Variants in TIMP3 observed in about 807,000 individuals in gnomAD.
TIMP3 encodes the protein TIMP metallopeptidase inhibitor 3.
Under a neutral mutation model 30.0 loss-of-function variants are expected in TIMP3, and 11 were observed. The ratio of observed to expected loss-of-function variants is 0.37; its 90% CI spans 0.23 to 0.61. The LOEUF is 0.61. Among genes scored for constraint, TIMP3 ranks in the 20% least tolerant of loss-of-function variants. The pLI, the probability that TIMP3 is intolerant of heterozygous loss-of-function variation, is 0.70. For synonymous variants in TIMP3, 112 were observed against 111.3 expected, an observed-to-expected ratio of 1.01 and a Z score of -0.04; for missense variants, 181 against 276.8, an observed-to-expected ratio of 0.65 and a Z score of 2.45.
At chr22:32,830,406 C>T (rs899654872) in intron 1 of TIMP3, among the ~76,000 whole-genome samples, 1 of 152,154 alleles carries the variant, frequency 6.6e-6, no homozygotes, top group African/African-American at 2.4e-5. Flanking sequence ...GCCCGACAGT[C>T]TATAGCTAGG....
chr22:32,840,695 C>T (rs185561234), intron 1 of TIMP3, among the ~76,000 whole-genome samples: 21 of 152,242 alleles, frequency 1.4e-4, no homozygotes, highest in Admixed American at 5.2e-4. Context: ...TGGATTCAGA[C>T]GCAGCAAACT....
At chr22:32,843,087 T>A (rs944527322) in intron 1 of TIMP3, among the ~76,000 whole-genome samples, 2 of 152,156 alleles carry the variant, frequency 1.3e-5, no homozygotes, top group Non-Finnish European at 2.9e-5. Flanking sequence ...TCCCATTTTT[T>A]TTTTTCCCCC....
chr22:32,836,916 A>G (rs926771132), intron 1 of TIMP3, among the ~76,000 whole-genome samples: 1 of 152,172 alleles, frequency 6.6e-6, no homozygotes, highest in African/African-American at 2.4e-5. Flanking sequence ...TCAAACCACA[A>G]GAAAGTCTCC....
intron 1 of TIMP3, among the ~76,000 whole-genome samples, chr22:32,831,510 G>A (rs901326494): frequency 5.9e-5 from 9 of 152,178 alleles, no homozygotes; most frequent in African/African-American, 2.2e-4. Flanking sequence ...GGGGGTCGGA[G>A]TTGGGGGGCA....
chr22:32,815,292 C>A (rs1197244411), intron 1 of TIMP3, among the ~76,000 whole-genome samples: 2 of 152,188 alleles, frequency 1.3e-5, no homozygotes, highest in Non-Finnish European at 2.9e-5. Context: ...GTGCAGGGAA[C>A]CCATGTGCGG....
intron 1 of TIMP3, among the ~76,000 whole-genome samples, chr22:32,835,643 G>A (rs1040374232): frequency 6.6e-6 from 1 of 152,158 alleles, no homozygotes; most frequent in East Asian, 1.9e-4. Flanking sequence ...CAGGGCTGCC[G>A]ATCAGATGTC....
chr22:32,815,774 C>T (rs1169392356), intron 1 of TIMP3, among the ~76,000 whole-genome samples: 1 of 152,162 alleles, frequency 6.6e-6, no homozygotes, highest in Non-Finnish European at 1.5e-5. Context: ...TATGTACCTA[C>T]ATAGTGAAGC....
In TIMP3 at chr22:32,807,164, T is replaced by C. The variant is rs114486227; in HGVS notation, c.121+5042T>C. Among the ~76,000 whole-genome samples, 792 of 150,370 alleles carry C rather than the reference T, an allele frequency of 5.3e-3. 9 individuals carry two copies. Among genetic ancestry groups the C allele is most frequent in the African/African-American group, 0.019 (765 of 40,780 alleles). ...CTGGGTAGCTCCCCCTGGGGACCCC[T>C]AACTCATCCCCACCTTTAAGGGAAG... On this transcript the variant is annotated intron_variant, in intron 1 of 4. Coordinates refer to ENST00000266085, the MANE Select transcript of TIMP3 (RefSeq NM_000362.5).
chr22:32,844,246 G>A (rs941370686), intron 1 of TIMP3, among the ~76,000 whole-genome samples: 9 of 152,156 alleles, frequency 5.9e-5, no homozygotes, highest in African/African-American at 1.2e-4. Flanking sequence ...CAGCTCAAGG[G>A]TATCTTGCCC....
At chr22:32,828,697 G>A (rs1163390466) in intron 1 of TIMP3, among the ~76,000 whole-genome samples, 1 of 152,184 alleles carries the variant, frequency 6.6e-6, no homozygotes, top group African/African-American at 2.4e-5. Flanking sequence ...CAATCCAGCG[G>A]GAGTTCTTAC....
At chr22:32,823,914 G>T (rs991774718) in intron 1 of TIMP3, among the ~76,000 whole-genome samples, 1 of 152,108 alleles carries the variant, frequency 6.6e-6, no homozygotes, top group African/African-American at 2.4e-5. Flanking sequence ...ACACCTATAT[G>T]TCTAAGGGTC....
chr22:32,814,259 AAG>A (rs1569245178), intron 1 of TIMP3, among the ~76,000 whole-genome samples: 2 of 114,590 alleles, frequency 1.7e-5, no homozygotes, highest in Admixed American at 9.6e-5. Context: ...GAAAGAAAGA[AAG>A]AGGGAGGGAG....
At chr22:32,811,087 C>T (rs1302299935) in intron 1 of TIMP3, among the ~76,000 whole-genome samples, 1 of 152,106 alleles carries the variant, frequency 6.6e-6, no homozygotes, top group Non-Finnish European at 1.5e-5. Context: ...CTGGGAACCA[C>T]TGAGACAGTT....
chr22:32,859,107 C>T lies in TIMP3; in HGVS notation c.439-73C>T, dbSNP rs907803398. ...CATGCAGTGGCCCCAGGGTCTGAAT[C>T]CAGGCTCGGTAGCCTCAGGCCTGGG... On this transcript the variant is annotated intron_variant, in intron 4 of 4. Transcript: ENST00000266085. 3.3e-6 allele frequency: 5 copies of T among 1,534,308 alleles called. No homozygotes were observed. The Admixed American group carries it at 5.0e-5, about 15-fold the overall frequency.
intron 1 of TIMP3, among the ~76,000 whole-genome samples, chr22:32,807,986 CTTT>C: frequency 6.6e-6 from 1 of 151,900 alleles, no homozygotes; most frequent in East Asian, 1.9e-4. Flanking sequence ...TTTTTTCCTT[CTTT>C]TTGTCTCTTT....
intron 4 of TIMP3, among the ~76,000 whole-genome samples, chr22:32,858,926 A>G (rs944312762): frequency 6.6e-6 from 1 of 152,242 alleles, no homozygotes; most frequent in African/African-American, 2.4e-5. Flanking sequence ...TGTGACCTGC[A>G]GCAAGTTACT....
At chr22:32,844,713 T>C (rs892875308) in intron 1 of TIMP3, among the ~76,000 whole-genome samples, 1 of 140,250 alleles carries the variant, frequency 7.1e-6, no homozygotes, top group African/African-American at 2.7e-5. Context: ...TTCTTCTTCC[T>C]TTTTTTTTTT....
intron 1 of TIMP3, among the ~76,000 whole-genome samples, chr22:32,808,974 C>A (rs1013665370): frequency 6.6e-6 from 1 of 152,200 alleles, no homozygotes; most frequent in Non-Finnish European, 1.5e-5. Context: ...CTAGTCCTGT[C>A]TTCTGGTGGA....
chr22:32,850,491 G>C (rs2048187503), intron 2 of TIMP3, among the ~76,000 whole-genome samples: 1 of 152,122 alleles, frequency 6.6e-6, no homozygotes, highest in Non-Finnish European at 1.5e-5. Flanking sequence ...GAATAACTCA[G>C]CAACTGGTTC....
Sources: allele counts gnomAD v4.1 joint callset (sites outside exome capture counted in the v4.1 genomes callset), GRCh38; gene constraint gnomAD v4.1.1; transcripts MANE v1.5; gene names NCBI Gene and HGNC (gene_info 2026-07-23, HGNC 2026-07-21).